Variants in COG5 observed in about 807,000 individuals in gnomAD.
COG5 encodes component of oligomeric golgi complex 5, also known as conserved oligomeric Golgi complex subunit 5.
COG5 carries 86 observed loss-of-function variants against 110.4 expected under a neutral mutation model. The observed-to-expected ratio is 0.78, with a 90% CI of 0.65 to 0.93. COG5 has a LOEUF of 0.93. COG5 is among the 40% of genes least tolerant of loss of function. The pLI is 0.00. For missense variants in COG5, 1,077 were observed against 987.0 expected, an observed-to-expected ratio of 1.09 and a Z score of -1.22; for synonymous variants, 360 against 334.6, an observed-to-expected ratio of 1.08 and a Z score of -0.83.
intron 6 of COG5, among the ~76,000 whole-genome samples, chr7:107,478,411 T>C (rs963799058): frequency 6.6e-5 from 10 of 152,092 alleles, no homozygotes; most frequent in African/African-American, 2.2e-4. Context: ...TCTCCCCTTA[T>C]CCATGGTTTT....
chr7:107,465,961 T>C (rs1177666483), intron 6 of COG5, among the ~76,000 whole-genome samples: 1 of 152,110 alleles, frequency 6.6e-6, no homozygotes, highest in Non-Finnish European at 1.5e-5. Flanking sequence ...CTTTGTTAAA[T>C]ATGTAATCTA....
chr7:107,274,110 T>C (rs1032459000), intron 14 of COG5, among the ~76,000 whole-genome samples: 1 of 152,086 alleles, frequency 6.6e-6, no homozygotes, highest in African/African-American at 2.4e-5. Flanking sequence ...AGGATTCAAG[T>C]AGGGAGCGTC....
At chr7:107,291,704 T>C (rs1394629585) in intron 12 of COG5, among the ~76,000 whole-genome samples, 2 of 152,220 alleles carry the variant, frequency 1.3e-5, no homozygotes, top group Non-Finnish European at 2.9e-5. Flanking sequence ...TACAAAGGAA[T>C]CTACAAAGGA....
At chr7:107,277,291 C>T (rs1416050381) in intron 14 of COG5, among the ~76,000 whole-genome samples, 1 of 152,086 alleles carries the variant, frequency 6.6e-6, no homozygotes, top group Admixed American at 6.6e-5. Context: ...AAGGTTGGTG[C>T]AGAGGTGAAC....
intron 11 of COG5, among the ~76,000 whole-genome samples, chr7:107,311,674 T>C (rs1424558765): frequency 3.3e-5 from 5 of 151,536 alleles, no homozygotes; most frequent in Non-Finnish European, 7.4e-5. Context: ...ATTACAGGCG[T>C]GAGCCACCGC....
At chr7:107,272,654 G>C (rs1290701590) in intron 14 of COG5, among the ~76,000 whole-genome samples, 1 of 152,146 alleles carries the variant, frequency 6.6e-6, no homozygotes, top group Non-Finnish European at 1.5e-5. Context: ...AGGATCTACA[G>C]ATCCCCTAAA....
At chr7:107,501,538 CTTGT>C (rs1204155762) in intron 6 of COG5, among the ~76,000 whole-genome samples, 1 of 151,976 alleles carries the variant, frequency 6.6e-6, no homozygotes, top group Non-Finnish European at 1.5e-5. Flanking sequence ...AAAAGAGCTC[CTTGT>C]TTTTGTCTAG....
chr7:107,241,209 A>T (rs534121580), intron 17 of COG5, among the ~76,000 whole-genome samples: 2 of 152,294 alleles, frequency 1.3e-5, no homozygotes, highest in Non-Finnish European at 2.9e-5. Context: ...TTCAAAAATC[A>T]GCTTGTTTTG....
chr7:107,439,256 T>C (rs75708367), intron 6 of COG5, among the ~76,000 whole-genome samples: 5,075 of 151,538 alleles, frequency 0.033, 288 homozygotes, highest in African/African-American at 0.12. Context: ...ATAACTATGA[T>C]GCAATTCCTA....
intron 10 of COG5, among the ~76,000 whole-genome samples, chr7:107,329,274 T>A (rs1201223672): frequency 6.6e-6 from 1 of 152,068 alleles, no homozygotes; most frequent in Non-Finnish European, 1.5e-5. Flanking sequence ...GAAGGACACA[T>A]AGCTGTTGGA....
chr7:107,348,797 G>C (rs1240592036), intron 10 of COG5, among the ~76,000 whole-genome samples: 2 of 151,932 alleles, frequency 1.3e-5, no homozygotes, highest in Non-Finnish European at 2.9e-5. Flanking sequence ...AAATAATTAA[G>C]TGATCTCCTA....
chr7:107,522,864 A>G (rs796716844), intron 6 of COG5, among the ~76,000 whole-genome samples: 13 of 152,240 alleles, frequency 8.5e-5, no homozygotes, highest in African/African-American at 3.1e-4. Context: ...ATGTGGGTCT[A>G]TTTCTGAGAT....
chr7:107,219,113 A>G (rs571656730), intron 19 of COG5, among the ~76,000 whole-genome samples: 54 of 152,326 alleles, frequency 3.5e-4, no homozygotes, highest in Admixed American at 2.3e-3. Context: ...ACTAATCATA[A>G]GGAAAATGCA....
intron 6 of COG5, among the ~76,000 whole-genome samples, chr7:107,473,291 T>C (rs1175326577): frequency 6.6e-6 from 1 of 151,948 alleles, no homozygotes; most frequent in Non-Finnish European, 1.5e-5. Flanking sequence ...ACAAAATAAA[T>C]CATTTCATAG....
intron 6 of COG5, among the ~76,000 whole-genome samples, chr7:107,519,421 A>G (rs1242182266): frequency 6.6e-6 from 1 of 152,168 alleles, no homozygotes; most frequent in Non-Finnish European, 1.5e-5. Context: ...AAGAAAAGAG[A>G]GAAGAATCAA....
intron 6 of COG5, among the ~76,000 whole-genome samples, chr7:107,507,125 G>GTA (rs1207429838): frequency 6.6e-6 from 1 of 152,130 alleles, no homozygotes; most frequent in Non-Finnish European, 1.5e-5. Context: ...GTAGGGGTGT[G>GTA]TATCCTGGAG....
At chr7:107,234,994 ATC>A (rs1801067936) in intron 18 of COG5, among the ~76,000 whole-genome samples, 1 of 152,228 alleles carries the variant, frequency 6.6e-6, no homozygotes, top group Non-Finnish European at 1.5e-5. Flanking sequence ...GTAACGTTTA[ATC>A]TCTGTTTTTA....
chr7:107,426,596 A>G (rs1003051186), intron 6 of COG5, among the ~76,000 whole-genome samples: 1 of 152,100 alleles, frequency 6.6e-6, no homozygotes, highest in Non-Finnish European at 1.5e-5. Context: ...TCCCTTTTTC[A>G]AAGACACTAA....
In COG5 at chr7:107,258,256, CTT is replaced by C; in HGVS notation, c.1686+15_1686+16del. ...GAATTTAAAATTAAGTAAAAAAAAA[CTT>C]AATAAAATAGTTACCTTTGTTACTG... On this transcript the variant is annotated intron_variant, in intron 15 of 21. Transcript: ENST00000297135. The C allele has an allele frequency of 2.0e-6, 3 of 1,471,872 alleles. No individual in the cohort carries two copies. Among genetic ancestry groups the C allele is most frequent in the Non-Finnish European group, 1.9e-6 (2 of 1,052,820 alleles). 91.2% of individuals were successfully genotyped at this position (1,471,872 alleles called of 1,614,324 possible).
Sources: allele counts gnomAD v4.1 joint callset (sites outside exome capture counted in the v4.1 genomes callset), GRCh38; gene constraint gnomAD v4.1.1; transcripts MANE v1.5; gene names NCBI Gene and HGNC (gene_info 2026-07-23, HGNC 2026-07-21).